SCFD2: variants seen among roughly 807,000 people sequenced by gnomAD.
SCFD2 encodes sec1 family domain-containing protein 2.
Under a neutral mutation model 58.9 loss-of-function variants are expected in SCFD2, and 54 were observed. The ratio of observed to expected loss-of-function variants is 0.92; its 90% CI spans 0.74 to 1.15. SCFD2 has a LOEUF of 1.15. Among genes scored for constraint, SCFD2 ranks in the 50% most tolerant of loss-of-function variants. SCFD2 has a pLI of 0.00. For missense variants in SCFD2, 805 were observed against 836.6 expected (o/e 0.96, Z 0.47); for synonymous variants, 321 against 335.9 (o/e 0.96, Z 0.49).
rs561459218 is a variant in SCFD2, at chr4:53,268,701, C to A, written c.1311+5125G>T. ...GAAGAAGGCAGAGGCAGGGGCAGCACAGGGTGAGATGTCAGAGCTCAACTG... is the reference window on the plus strand; with the variant it reads ...GAAGAAGGCAGAGGCAGGGGCAGCAAAGGGTGAGATGTCAGAGCTCAACTG... On this transcript the variant is annotated intron_variant, in intron 4 of 8. Coordinates refer to ENST00000401642, the MANE Select transcript of SCFD2 (RefSeq NM_152540.4). Among the ~76,000 whole-genome samples, 6 of 152,156 alleles carry A rather than the reference C, an allele frequency of 3.9e-5. No homozygotes were observed. The South Asian group carries it at 1.2e-3, about 32-fold the overall frequency.
chr4:53,327,280 TTGA>T (rs1733233529), intron 2 of SCFD2, among the ~76,000 whole-genome samples: 1 of 151,602 alleles, frequency 6.6e-6, no homozygotes, highest in African/African-American at 2.4e-5. Context: ...TGCAACCAGA[TTGA>T]GGGGACATCC....
chr4:53,116,599 C>T (rs1301535981), intron 5 of SCFD2, among the ~76,000 whole-genome samples: 1 of 152,172 alleles, frequency 6.6e-6, no homozygotes. Flanking sequence ...ATATACTACA[C>T]AGAAGAGCAC....
At chr4:52,964,189 A>T (rs1720911778) in intron 5 of SCFD2, among the ~76,000 whole-genome samples, 1 of 152,208 alleles carries the variant, frequency 6.6e-6, no homozygotes, top group Non-Finnish European at 1.5e-5. Flanking sequence ...AAGATTTTAA[A>T]GCTAATTAGT....
chr4:53,013,536 T>C (rs1722144409), intron 5 of SCFD2, among the ~76,000 whole-genome samples: 1 of 152,232 alleles, frequency 6.6e-6, no homozygotes, highest in Non-Finnish European at 1.5e-5. Context: ...GAAAATCATT[T>C]AGCTGTTATG....
chr4:53,162,852 T>TAATAA (rs947521165), intron 4 of SCFD2, among the ~76,000 whole-genome samples: 132 of 150,796 alleles, frequency 8.8e-4, no homozygotes, highest in African/African-American at 3.0e-3. Flanking sequence ...AGTATAATAA[T>TAATAA]AATAAAATAA....
chr4:52,928,690 ATTG>A (rs1171079231), intron 5 of SCFD2, among the ~76,000 whole-genome samples: 2 of 152,058 alleles, frequency 1.3e-5, no homozygotes, highest in African/African-American at 2.4e-5. Flanking sequence ...TATTGCTCCT[ATTG>A]TTATTGCAGT....
intron 5 of SCFD2, among the ~76,000 whole-genome samples, chr4:53,074,980 TTCTC>T: frequency 6.6e-6 from 1 of 152,316 alleles, no homozygotes; most frequent in African/African-American, 2.4e-5. Context: ...AGGCATTGGT[TTCTC>T]TCTACCTATG....
intron 1 of SCFD2, 149 bp downstream of exon 1, chr4:53,364,953 ACT>A (rs1734649869): frequency 3.3e-6 from 3 of 900,730 alleles, no homozygotes; most frequent in Admixed American, 2.8e-5. Context: ...TAGACAATAA[ACT>A]CTGTGAGATT....
chr4:53,348,776 C>T (rs1734133119), intron 2 of SCFD2, among the ~76,000 whole-genome samples: 1 of 151,454 alleles, frequency 6.6e-6, no homozygotes, highest in Non-Finnish European at 1.5e-5. Flanking sequence ...GTGCCATGGC[C>T]CAATCTCAAC....
At chr4:53,169,398 T>G (rs1222661356) in intron 4 of SCFD2, among the ~76,000 whole-genome samples, 2 of 152,110 alleles carry the variant, frequency 1.3e-5, no homozygotes, top group Non-Finnish European at 2.9e-5. Context: ...AAAGAATGAA[T>G]AGTATTTCAT....
chr4:53,174,342 C>T (rs1465213442), intron 4 of SCFD2, among the ~76,000 whole-genome samples: 5 of 151,582 alleles, frequency 3.3e-5, no homozygotes, highest in African/African-American at 1.2e-4. Flanking sequence ...CAATGTATAC[C>T]AAGCAGGGAA....
chr4:53,315,831 T>C (rs1044488270), intron 2 of SCFD2, among the ~76,000 whole-genome samples: 3 of 152,184 alleles, frequency 2.0e-5, no homozygotes, highest in African/African-American at 7.2e-5. Flanking sequence ...AGAATATGTA[T>C]CTGGCTAATT....
chr4:53,191,797 A>G (rs1326215429), intron 4 of SCFD2, among the ~76,000 whole-genome samples: 2 of 152,206 alleles, frequency 1.3e-5, no homozygotes, highest in African/African-American at 2.4e-5. Context: ...TGTCTATTGG[A>G]AAAACAGAAA....
chr4:52,917,789 CCTT>C (rs1719643267), intron 6 of SCFD2, among the ~76,000 whole-genome samples: 1 of 152,210 alleles, frequency 6.6e-6, no homozygotes, highest in African/African-American at 2.4e-5. Flanking sequence ...AGTTGGGACA[CCTT>C]CTCCTTAAAG....
intron 3 of SCFD2, among the ~76,000 whole-genome samples, chr4:53,296,050 T>C (rs1732018401): frequency 6.6e-6 from 1 of 152,236 alleles, no homozygotes; most frequent in Non-Finnish European, 1.5e-5. Flanking sequence ...AGTATTTTAT[T>C]GACGATTTTC....
intron 4 of SCFD2, among the ~76,000 whole-genome samples, chr4:53,246,550 G>A (rs1300503487): frequency 1.3e-5 from 2 of 152,070 alleles, no homozygotes; most frequent in Non-Finnish European, 2.9e-5. Context: ...CTGCACGCCT[G>A]TGACCATCTA....
intron 4 of SCFD2, among the ~76,000 whole-genome samples, chr4:53,258,538 G>GTATATATATATATATATATATA (rs59321045): frequency 2.6e-4 from 31 of 119,890 alleles, no homozygotes; most frequent in Non-Finnish European, 3.6e-4. Context: ...TGGTGTGTGT[G>GTATATATATATATATATATATA]TATATATATA....
intron 5 of SCFD2, among the ~76,000 whole-genome samples, chr4:53,086,930 G>GA (rs1267526292): frequency 1.3e-5 from 2 of 152,026 alleles, no homozygotes; most frequent in South Asian, 2.1e-4. Context: ...TAATATGTAG[G>GA]AAAAAAGATA....
chr4:52,984,776 CA>C (rs770762501), intron 5 of SCFD2, among the ~76,000 whole-genome samples: 1 of 152,174 alleles, frequency 6.6e-6, no homozygotes, highest in Non-Finnish European at 1.5e-5. Context: ...CCTCAGGTTC[CA>C]AGTATTTAAT....
Sources: gnomAD v4.1 joint callset for allele counts (sites outside exome capture counted in the v4.1 genomes callset) on GRCh38, gnomAD v4.1.1 for gene constraint, MANE v1.5 for transcripts, NCBI Gene and HGNC (gene_info 2026-07-23, HGNC 2026-07-21) for gene names.